The following TFDP1 variants were observed in gnomAD, a reference collection of about 807,000 sequenced individuals.
TFDP1 encodes transcription factor Dp-1.
Under a neutral mutation model 48.0 loss-of-function variants are expected in TFDP1, and 6 were observed. That is an observed-to-expected ratio of 0.13 (90% CI 0.07 to 0.25). TFDP1 has a LOEUF of 0.25. Among genes scored for constraint, TFDP1 ranks in the 10% least tolerant of loss-of-function variants. The probability of loss-of-function intolerance (pLI) is 1.00; values close to 1 mark genes in which losing one functional copy is unlikely to be tolerated. For synonymous variants in TFDP1, 201 were observed against 211.6 expected (o/e 0.95, Z 0.44); for missense variants, 335 against 543.0 (o/e 0.62, Z 3.81).
At chr13:113,617,176 A>G (rs560345503) in intron 3 of TFDP1, among the ~76,000 whole-genome samples, 1 of 152,294 alleles carries the variant, frequency 6.6e-6, no homozygotes, top group East Asian at 1.9e-4. Context: ...TGTGCAACGG[A>G]GGCCTCTGAT....
chr13:113,599,014 A>C (rs1566640657), intron 2 of TFDP1, among the ~76,000 whole-genome samples: 1 of 152,236 alleles, frequency 6.6e-6, no homozygotes, highest in Non-Finnish European at 1.5e-5. Flanking sequence ...CTGAAATGAC[A>C]GTCAACGGGG....
intron 2 of TFDP1, among the ~76,000 whole-genome samples, chr13:113,588,373 A>T (rs886295165): frequency 3.3e-5 from 5 of 152,244 alleles, no homozygotes; most frequent in Non-Finnish European, 5.9e-5. Flanking sequence ...AAGGACATCC[A>T]AGACCTGAGG....
chr13:113,637,918 G>A (rs1482374429), intron 11 of TFDP1, 22 bp downstream of exon 11: 1 of 1,610,038 alleles, frequency 6.2e-7, no homozygotes. Context: ...TGAGGGTGTG[G>A]GAGAGGCGTC....
chr13:113,587,077 C>G (rs1203119810), intron 2 of TFDP1, among the ~76,000 whole-genome samples: 1 of 152,170 alleles, frequency 6.6e-6, no homozygotes, highest in African/African-American at 2.4e-5. Context: ...GTGGTTTCCT[C>G]AGATGGTTCT....
chr13:113,640,499 AG>A lies in TFDP1; in HGVS notation c.*234del. On this transcript the variant is annotated 3_prime_UTR_variant, in exon 12 of 12. Coordinates refer to ENST00000375370, the MANE Select transcript of TFDP1 (RefSeq NM_007111.5). ...GATGCAGAGCGTTTATTTACTTGTT[AG>A]GATTTTGTGTTTTCATTTGCTATTT... 1 of 570,482 alleles carries A rather than the reference AG, an allele frequency of 1.8e-6. No homozygotes were observed. The highest frequency in any genetic ancestry group is 5.0e-5 in the East Asian group (1 of 19,808). 35.3% of individuals were successfully genotyped at this position (570,482 alleles called of 1,614,324 possible).
chr13:113,635,478 G>A (rs2049459890), intron 8 of TFDP1, among the ~76,000 whole-genome samples: 1 of 152,192 alleles, frequency 6.6e-6, no homozygotes, highest in Admixed American at 6.5e-5. Flanking sequence ...TGGAACACTT[G>A]GTTTGGGGCC....
intron 3 of TFDP1, among the ~76,000 whole-genome samples, chr13:113,615,636 G>C (rs2048837951): frequency 6.6e-6 from 1 of 152,206 alleles, no homozygotes. Flanking sequence ...AGGTGCAGGG[G>C]CTCACACCAG....
In TFDP1 at chr13:113,607,147, G is replaced by A. The variant is rs2048589511; in HGVS notation, c.13-3849G>A. Among the ~76,000 whole-genome samples the A allele has an allele frequency of 6.6e-6, 1 of 152,234 alleles. No homozygotes were observed. The highest frequency in any genetic ancestry group is 1.5e-5 in the Non-Finnish European group (1 of 68,026). ...TGAAGATGCCGCCAAACACCCTGCAGGGAGGCTGGCCCCTGACAGAGCCGT... is the reference window on the plus strand; with the variant it reads ...TGAAGATGCCGCCAAACACCCTGCAAGGAGGCTGGCCCCTGACAGAGCCGT... On this transcript the variant is annotated intron_variant, in intron 2 of 11. Coordinates refer to ENST00000375370, the MANE Select transcript of TFDP1 (RefSeq NM_007111.5). The surrounding 1 kb of genome is among the most constrained non-coding windows in gnomAD (Gnocchi z 5.2).
At chr13:113,600,556 TAGAGAACTCAGGACTGCAAG>T (rs1372425041) in intron 2 of TFDP1, among the ~76,000 whole-genome samples, 4 of 133,082 alleles carry the variant, frequency 3.0e-5, no homozygotes, top group Non-Finnish European at 6.3e-5. Flanking sequence ...AGGACCGCGA[TAGAGAACTCAGGACTGCAAG>T]AGAGAACCCA....
chr13:113,633,049 A>T lies in TFDP1; in HGVS notation c.309-71A>T. On this transcript the variant is annotated intron_variant, in intron 5 of 11. Transcript: ENST00000375370. This position sits in a 1 kb window ranked among gnomAD's most constrained non-coding sequence, Gnocchi z 4.5. ...GCAGCTCATTAGAGCTCTCAGGTAA[A>T]AGCATTCCTCGATTCAGGCTGATCC... 6.3e-7 allele frequency: 1 copy of T among 1,589,974 alleles called. No individual in the cohort carries two copies. Among genetic ancestry groups the T allele is most frequent in the South Asian group, 1.1e-5 (1 of 88,688 alleles).
intron 2 of TFDP1, among the ~76,000 whole-genome samples, chr13:113,610,089 C>T (rs1196538701): frequency 2.6e-5 from 4 of 152,340 alleles, no homozygotes; most frequent in Admixed American, 2.0e-4. Flanking sequence ...ATGTGTCTTG[C>T]CGTGTGGCTG....
At chr13:113,615,781 G>A (rs533622115) in intron 3 of TFDP1, among the ~76,000 whole-genome samples, 1 of 152,290 alleles carries the variant, frequency 6.6e-6, no homozygotes, top group Non-Finnish European at 1.5e-5. Flanking sequence ...GGTGGCGCAT[G>A]TCTATAGATA....
Position 113,586,655 on chromosome 13 carries a change from C to T in TFDP1, c.12+806C>T, listed in dbSNP as rs188681148. Among the ~76,000 whole-genome samples the T allele has an allele frequency of 4.6e-5, 7 of 152,342 alleles. No homozygotes were observed. The East Asian group carries it at 9.6e-4, about 21-fold the overall frequency. On this transcript the variant is annotated intron_variant, in intron 2 of 11. Transcript: ENST00000375370. ...GCACATGCTGCCTCTGCCTGAGATA[C>T]ATCTGTAGCGAAAATGCGTCCAGAG...
Position 113,636,789 on chromosome 13 carries a change from T to C in TFDP1, c.1006+89T>C. On this transcript the variant is annotated intron_variant, in intron 10 of 11. Transcript: ENST00000375370. ...CCCTCCCCTCCCGGCTCGGGATGTG[T>C]CTTGCTGAGATCAGGCCCACGTGTG... 3 of 1,460,300 alleles carry C rather than the reference T, an allele frequency of 2.1e-6. No homozygotes were observed. The South Asian group carries it at 3.9e-5, about 19-fold the overall frequency. The allele number at this position is 1,460,300 out of a possible 1,614,324, so 90.5% of individuals were successfully genotyped here.
At chr13:113,613,763 G>A (rs753012347) in intron 3 of TFDP1, among the ~76,000 whole-genome samples, 8 of 151,434 alleles carry the variant, frequency 5.3e-5, no homozygotes, top group Non-Finnish European at 8.8e-5. Flanking sequence ...TGAATGCGTG[G>A]GTGTGTGAGG....
chr13:113,636,279 G>C (rs2140639484), intron 9 of TFDP1, 151 bp downstream of exon 9: 1 of 1,168,610 alleles, frequency 8.6e-7, no homozygotes, highest in East Asian at 2.4e-5. Context: ...GTGGGAGGCT[G>C]CCGCCATGTG....
At chr13:113,619,499 A>C (rs979801356) in intron 3 of TFDP1, among the ~76,000 whole-genome samples, 1 of 151,214 alleles carries the variant, frequency 6.6e-6, no homozygotes, top group African/African-American at 2.4e-5. Context: ...AAAAAAAAAA[A>C]AGAAGAAGCC....
intron 3 of TFDP1, among the ~76,000 whole-genome samples, chr13:113,621,718 G>A (rs2048999464): frequency 2.0e-5 from 3 of 152,358 alleles, no homozygotes; most frequent in Non-Finnish European, 1.5e-5. Flanking sequence ...GATGTCCGTT[G>A]CCAGGTGGAC....
intron 3 of TFDP1, among the ~76,000 whole-genome samples, chr13:113,614,180 A>G (rs2048795955): frequency 6.6e-6 from 1 of 150,724 alleles, no homozygotes; most frequent in Admixed American, 6.6e-5. Context: ...CATGAGTTGA[A>G]TGAGTTGTAT....
Sources: gnomAD v4.1 joint callset for allele counts (sites outside exome capture counted in the v4.1 genomes callset) on GRCh38, gnomAD v4.1.1 for gene constraint, Gnocchi (gnomAD v3.1) non-coding constraint, MANE v1.5 for transcripts, NCBI Gene and HGNC (gene_info 2026-07-23, HGNC 2026-07-21) for gene names.